Variants in ATP8A2 observed in about 807,000 individuals in gnomAD.
The protein encoded by ATP8A2 is ATPase phospholipid transporting 8A2, also known as phospholipid-transporting ATPase IB.
In ATP8A2, 100 loss-of-function variants were observed where a neutral mutation model predicts 165.6. The ratio of observed to expected loss-of-function variants is 0.60; its 90% CI spans 0.51 to 0.71. The LOEUF is 0.71. ATP8A2 is among the 30% of genes least tolerant of loss of function. The pLI is 0.00. For missense variants in ATP8A2, 1,227 were observed against 1,479.5 expected, an observed-to-expected ratio of 0.83 and a Z score of 2.80; for synonymous variants, 543 against 548.8, an observed-to-expected ratio of 0.99 and a Z score of 0.15.
chr13:25,811,900 A>G (rs1005452992), intron 27 of ATP8A2, among the ~76,000 whole-genome samples: 1 of 152,162 alleles, frequency 6.6e-6, no homozygotes, highest in African/African-American at 2.4e-5. Flanking sequence ...TTGTCTTCAT[A>G]TCTCTGAATA....
chr13:25,573,489 A>G (rs2039526751), intron 18 of ATP8A2, among the ~76,000 whole-genome samples: 1 of 152,254 alleles, frequency 6.6e-6, no homozygotes, highest in Admixed American at 6.5e-5. Flanking sequence ...TCAACCATTC[A>G]TCAAACCACC....
intron 1 of ATP8A2, among the ~76,000 whole-genome samples, chr13:25,427,089 G>C (rs2034471265): frequency 6.6e-6 from 1 of 152,212 alleles, no homozygotes; most frequent in Admixed American, 6.5e-5. Context: ...TACATCAGGG[G>C]TTCCCCCAAC....
At chr13:25,468,798 G>GGCTGCC (rs1382009389) in intron 1 of ATP8A2, 179 bp from the exon 2 acceptor site, 1 of 981,250 alleles carries the variant, frequency 1.0e-6, no homozygotes, top group African/African-American at 1.8e-5. Context: ...GGCCGGCCTT[G>GGCTGCC]GCTGCCGCGG....
intron 2 of ATP8A2, among the ~76,000 whole-genome samples, chr13:25,481,901 T>C (rs559565745): frequency 6.6e-6 from 1 of 152,272 alleles, no homozygotes; most frequent in South Asian, 2.1e-4. Flanking sequence ...TGACCTCATC[T>C]AATCCTAATT....
chr13:25,576,975 C>T (rs984688545), intron 19 of ATP8A2, 94 bp from the exon 20 acceptor site: 5 of 983,366 alleles, frequency 5.1e-6, no homozygotes, highest in Admixed American at 3.7e-5. Context: ...TTTTTAGGAA[C>T]CCCAGACCCC....
chr13:25,752,706 C>T (rs2044177987), intron 25 of ATP8A2, among the ~76,000 whole-genome samples: 1 of 152,216 alleles, frequency 6.6e-6, no homozygotes, highest in Non-Finnish European at 1.5e-5. Flanking sequence ...CAGCCTCTAA[C>T]TCCTGGCCAG....
At chr13:25,570,893 C>A in intron 17 of ATP8A2, 21 bp downstream of exon 17, 8 of 1,566,536 alleles carry the variant, frequency 5.1e-6, no homozygotes, top group Non-Finnish European at 7.0e-6. Context: ...TGGCCGGATG[C>A]GCCCTGCTGG....
chr13:25,940,981 G>A (rs1007579494), intron 33 of ATP8A2, among the ~76,000 whole-genome samples: 1 of 152,222 alleles, frequency 6.6e-6, no homozygotes, highest in Non-Finnish European at 1.5e-5. Flanking sequence ...CAGAGTCCAC[G>A]TGGCTCTTTC....
intron 25 of ATP8A2, among the ~76,000 whole-genome samples, chr13:25,721,811 G>A (rs1426830020): frequency 6.6e-6 from 1 of 152,144 alleles, no homozygotes; most frequent in Non-Finnish European, 1.5e-5. Context: ...TCCATTGTAT[G>A]GATATACCAC....
At chr13:25,514,931 G>A (rs969112195) in intron 2 of ATP8A2, among the ~76,000 whole-genome samples, 2 of 152,136 alleles carry the variant, frequency 1.3e-5, no homozygotes, top group African/African-American at 2.4e-5. Flanking sequence ...AACTCGACAG[G>A]GCTATGGGGT....
chr13:25,767,086 A>C (rs148703248), intron 25 of ATP8A2, among the ~76,000 whole-genome samples: 1 of 152,234 alleles, frequency 6.6e-6, no homozygotes, highest in Non-Finnish European at 1.5e-5. Context: ...TTCTCCAACT[A>C]TATTTGATCT....
chr13:25,394,748 A>AAACAGAAG (rs2033364347), intron 1 of ATP8A2, among the ~76,000 whole-genome samples: 1 of 152,260 alleles, frequency 6.6e-6, no homozygotes, highest in Non-Finnish European at 1.5e-5. Flanking sequence ...ATCTGGCTAA[A>AAACAGAAG]AACAGAACAT....
At chr13:26,017,847 G>A (rs549643193) in intron 36 of ATP8A2, among the ~76,000 whole-genome samples, 1 of 152,188 alleles carries the variant, frequency 6.6e-6, no homozygotes, top group Non-Finnish European at 1.5e-5. Flanking sequence ...ACCTGCTCCT[G>A]TACCCAGCTG....
chr13:25,961,792 C>A, intron 34 of ATP8A2, 129 bp downstream of exon 34: 3 of 705,926 alleles, frequency 4.2e-6, no homozygotes, highest in Non-Finnish European at 7.1e-6. Flanking sequence ...CTGCCACCTG[C>A]CAGAAATGAA....
chr13:25,850,601 G>T (rs145090913), intron 30 of ATP8A2, among the ~76,000 whole-genome samples: 1 of 151,984 alleles, frequency 6.6e-6, no homozygotes, highest in Non-Finnish European at 1.5e-5. Flanking sequence ...AACTATTCCC[G>T]GTTTGGGGTT....
intron 6 of ATP8A2, among the ~76,000 whole-genome samples, chr13:25,534,661 C>A (rs1055342223): frequency 3.3e-5 from 5 of 152,150 alleles, no homozygotes; most frequent in Admixed American, 2.0e-4. Context: ...TGTACTGTAC[C>A]GCATGCAGTT....
At chr13:25,463,526 T>C (rs912267184) in intron 1 of ATP8A2, among the ~76,000 whole-genome samples, 4 of 152,202 alleles carry the variant, frequency 2.6e-5, no homozygotes, top group Non-Finnish European at 4.4e-5. Flanking sequence ...AATTTGTTTA[T>C]GCAATGGATA....
chr13:25,443,317 A>C (rs1023700707), intron 1 of ATP8A2, among the ~76,000 whole-genome samples: 4 of 152,226 alleles, frequency 2.6e-5, no homozygotes, highest in Non-Finnish European at 5.9e-5. Context: ...TTTCCTAGGA[A>C]GAAGTATTGC....
intron 2 of ATP8A2, among the ~76,000 whole-genome samples, chr13:25,518,052 T>C (rs73479675): frequency 2.6e-5 from 4 of 152,192 alleles, no homozygotes; most frequent in African/African-American, 9.7e-5. Flanking sequence ...GGCTCCCAGG[T>C]ATGCAGTGAT....
Sources: gnomAD v4.1 joint callset for allele counts (sites outside exome capture counted in the v4.1 genomes callset) on GRCh38, gnomAD v4.1.1 for gene constraint, MANE v1.5 for transcripts, NCBI Gene and HGNC (gene_info 2026-07-23, HGNC 2026-07-21) for gene names.